The following INO80D variants were observed in gnomAD, a reference collection of about 807,000 sequenced individuals.
INO80D encodes the protein INO80 complex subunit D.
INO80D carries 21 observed loss-of-function variants against 87.6 expected under a neutral mutation model. The observed-to-expected ratio is 0.24, with a 90% CI of 0.17 to 0.35. The LOEUF (loss-of-function observed/expected upper bound fraction) is 0.35, where lower values mean the gene tolerates loss of function less well. Among genes scored for constraint, INO80D ranks in the 10% least tolerant of loss-of-function variants. The pLI, the probability that INO80D is intolerant of heterozygous loss-of-function variation, is 1.00. For missense variants in INO80D, 982 were observed against 1,280.7 expected (o/e 0.77, Z 3.56); for synonymous variants, 440 against 491.0 (o/e 0.90, Z 1.37).
At chr2:206,008,150 TTTTG>T in intron 9 of INO80D, among the ~76,000 whole-genome samples, 1 of 151,826 alleles carries the variant, frequency 6.6e-6, no homozygotes, top group South Asian at 2.1e-4. Context: ...CCAAGCTAAT[TTTTG>T]TTTGTTTTTA....
intron 1 of INO80D, among the ~76,000 whole-genome samples, chr2:206,081,187 G>C (rs1351499360): frequency 1.3e-5 from 2 of 152,164 alleles, no homozygotes; most frequent in African/African-American, 4.8e-5. Context: ...ATTTGCTCCA[G>C]AGCCCAAGCT....
intron 1 of INO80D, among the ~76,000 whole-genome samples, chr2:206,082,745 A>G (rs1371187656): frequency 6.6e-6 from 1 of 152,236 alleles, no homozygotes; most frequent in African/African-American, 2.4e-5. Flanking sequence ...TAACCATTGT[A>G]CCAAACCTGG....
intron 5 of INO80D, among the ~76,000 whole-genome samples, chr2:206,030,216 TA>T (rs1315600262): frequency 1.3e-5 from 2 of 152,198 alleles, no homozygotes; most frequent in Non-Finnish European, 2.9e-5. Flanking sequence ...CTCACATCTG[TA>T]ATCCCTGCAA....
chr2:206,014,772 G>A (rs1046593973), intron 8 of INO80D, among the ~76,000 whole-genome samples: 4 of 152,140 alleles, frequency 2.6e-5, no homozygotes, highest in Non-Finnish European at 5.9e-5. Context: ...TTTGGAGCTG[G>A]GTAACAGGCA....
chr2:206,032,967 C>G (rs969927091), intron 5 of INO80D, among the ~76,000 whole-genome samples: 3 of 152,144 alleles, frequency 2.0e-5, no homozygotes, highest in African/African-American at 7.2e-5. Flanking sequence ...ACAATGAAAG[C>G]AACGGTACCT....
chr2:206,061,325 G>C (rs1689685118), intron 3 of INO80D, among the ~76,000 whole-genome samples: 1 of 152,056 alleles, frequency 6.6e-6, no homozygotes, highest in Non-Finnish European at 1.5e-5. Context: ...CTGCTATTAA[G>C]ATAATTCTTG....
intron 1 of INO80D, among the ~76,000 whole-genome samples, chr2:206,067,710 A>G (rs1689856827): frequency 6.6e-6 from 1 of 152,192 alleles, no homozygotes; most frequent in East Asian, 1.9e-4. Flanking sequence ...ATTTTTCACC[A>G]TCTTTTCTCT....
At chr2:206,008,567 C>T (rs932255206) in intron 9 of INO80D, among the ~76,000 whole-genome samples, 10 of 152,184 alleles carry the variant, frequency 6.6e-5, no homozygotes, top group African/African-American at 2.4e-4. Flanking sequence ...GCATGAGCCA[C>T]CGCACCTGGT....
intron 1 of INO80D, among the ~76,000 whole-genome samples, chr2:206,066,736 C>T (rs1418772575): frequency 6.8e-6 from 1 of 147,876 alleles, no homozygotes; most frequent in Non-Finnish European, 1.5e-5. Context: ...AGCCAGGAGG[C>T]AGTGGTTGCA....
intron 1 of INO80D, among the ~76,000 whole-genome samples, chr2:206,069,358 A>G (rs1057230042): frequency 1.3e-5 from 2 of 152,120 alleles, no homozygotes; most frequent in African/African-American, 4.8e-5. Flanking sequence ...AAAATATAAT[A>G]TATAATACAT....
intron 5 of INO80D, among the ~76,000 whole-genome samples, chr2:206,029,140 G>A (rs1184450799): frequency 6.6e-5 from 10 of 151,872 alleles, no homozygotes; most frequent in South Asian, 2.1e-4. Context: ...CACCTGTCTC[G>A]GCCTCCCAAA....
chr2:206,026,687 A>G (rs1372842270), intron 6 of INO80D, among the ~76,000 whole-genome samples: 2 of 149,826 alleles, frequency 1.3e-5, no homozygotes, highest in Admixed American at 1.3e-4. Flanking sequence ...TATATATATA[A>G]CAGAATTCCA....
chr2:206,020,387 G>A (rs1688428389), intron 6 of INO80D, among the ~76,000 whole-genome samples: 1 of 152,134 alleles, frequency 6.6e-6, no homozygotes, highest in South Asian at 2.1e-4. Context: ...AACAGTCAGT[G>A]GTTGTTAGTC....
chr2:206,028,083 C>T (rs1215005034), intron 6 of INO80D, 28 bp downstream of exon 6: 1 of 1,472,776 alleles, frequency 6.8e-7, no homozygotes, highest in Admixed American at 2.1e-5. Context: ...AGATGAGTCC[C>T]TTAAGAATAG....
At chr2:206,025,705 G>T (rs1410507142) in intron 6 of INO80D, 2 of 151,344 alleles carry the variant, frequency 1.3e-5, no homozygotes, top group Non-Finnish European at 2.9e-5. Context: ...TAAAGGAAAA[G>T]AAATTTTTTA....
rs770434961 is a variant in INO80D, at chr2:206,005,119, C to G, written c.2333G>C (p.Arg778Thr). ...TLISQSALGE[R>T]AFPGQFHGLH... ...TCCATGAAACTGTCCTGGGAAGGCT[C>G]TCTCCCCAAGTGCACTCTGGCTGAT... Residue 778 changes from arginine (R) to threonine (T), a missense_variant, in exon 11 of 11, where the codon AGA becomes ACA. Transcript: ENST00000403263. 1 of 1,613,972 alleles carries G rather than the reference C, an allele frequency of 6.2e-7. No homozygotes were observed. The highest frequency in any genetic ancestry group is 8.5e-7 in the Non-Finnish European group (1 of 1,179,864).
intron 1 of INO80D, among the ~76,000 whole-genome samples, chr2:206,083,684 C>A (rs531034104): frequency 6.6e-6 from 1 of 152,160 alleles, no homozygotes; most frequent in East Asian, 1.9e-4. Flanking sequence ...CGAAGCCTCA[C>A]GGAAGTCAGC....
intron 5 of INO80D, among the ~76,000 whole-genome samples, chr2:206,029,675 A>G (rs975909649): frequency 2.6e-5 from 4 of 152,084 alleles, no homozygotes; most frequent in East Asian, 3.9e-4. Context: ...CATTCTCGTC[A>G]GTATACTTTT....
At chr2:206,041,767 G>A (rs1689058008) in intron 5 of INO80D, among the ~76,000 whole-genome samples, 1 of 152,130 alleles carries the variant, frequency 6.6e-6, no homozygotes, top group African/African-American at 2.4e-5. Context: ...CTAGAAATCA[G>A]TATCTGGGAA....
Sources: gnomAD v4.1 joint callset for allele counts (sites outside exome capture counted in the v4.1 genomes callset) on GRCh38, gnomAD v4.1.1 for gene constraint, MANE v1.5 for transcripts, NCBI Gene and HGNC (gene_info 2026-07-23, HGNC 2026-07-21) for gene names.